SGF29: variants seen among roughly 807,000 people sequenced by gnomAD.
SGF29 encodes SAGA complex associated factor 29, also known as SAGA-associated factor 29.
Under a neutral mutation model 38.1 loss-of-function variants are expected in SGF29, and 15 were observed. That is an observed-to-expected ratio of 0.39 (90% CI 0.26 to 0.61). The LOEUF (loss-of-function observed/expected upper bound fraction) is 0.61, where lower values mean the gene tolerates loss of function less well. Among genes scored for constraint, SGF29 ranks in the 20% least tolerant of loss-of-function variants. SGF29 has a pLI of 0.49. For synonymous variants in SGF29, 151 were observed against 160.8 expected (o/e 0.94, Z 0.46); for missense variants, 184 against 394.6 (o/e 0.47, Z 4.52).
chr16:28,575,824 C>G (rs1454387657), intron 1 of SGF29, among the ~76,000 whole-genome samples: 1 of 152,156 alleles, frequency 6.6e-6, no homozygotes, highest in Non-Finnish European at 1.5e-5. Flanking sequence ...TGAGACTCTA[C>G]TTCAGACTCA....
rs1185217377 is a variant in SGF29, at chr16:28,562,003, CATAG to C, written c.-16+7907_-16+7910del. ...AGATAGCAGCACTTTGATGTAAAATCATAGGAAGAGCTTGTTCTCTCAGACAAGC... is the reference window on the plus strand; with the variant it reads ...AGATAGCAGCACTTTGATGTAAAATCGAAGAGCTTGTTCTCTCAGACAAGC... On this transcript the variant is annotated intron_variant, in intron 1 of 9. Coordinates refer to ENST00000317058, the MANE Select transcript of SGF29 (RefSeq NM_138414.3). Among the ~76,000 whole-genome samples the C allele has an allele frequency of 9.8e-5, 15 of 152,314 alleles. No homozygotes were observed. In the South Asian group the frequency reaches 1.7e-3, roughly 17 times the overall value.
At chr16:28,561,514 C>T (rs1220319351) in intron 1 of SGF29, among the ~76,000 whole-genome samples, 1 of 152,112 alleles carries the variant, frequency 6.6e-6, no homozygotes, top group Admixed American at 6.6e-5. Flanking sequence ...GCCTGGGCAA[C>T]AGAGCAAGAC....
At chr16:28,573,962 G>T (rs2046879599) in intron 1 of SGF29, among the ~76,000 whole-genome samples, 1 of 152,188 alleles carries the variant, frequency 6.6e-6, no homozygotes, top group Non-Finnish European at 1.5e-5. Flanking sequence ...CTGTCCAGTG[G>T]TGGGGCTGTT....
intron 1 of SGF29, among the ~76,000 whole-genome samples, chr16:28,568,874 C>T (rs1177125488): frequency 6.8e-6 from 1 of 147,792 alleles, no homozygotes; most frequent in Non-Finnish European, 1.5e-5. Context: ...GATTGTGCCA[C>T]TGCACTCCAG....
At chr16:28,588,798 T>G (rs2046970048) in intron 4 of SGF29, 1 of 358,004 alleles carries the variant, frequency 2.8e-6, no homozygotes, top group African/African-American at 2.1e-5. Context: ...CTTGAACTCC[T>G]GACCTCAGGT....
Position 28,590,738 on chromosome 16 carries a change from C to A in SGF29, c.603-35C>A, listed in dbSNP as rs369431238. The A allele has an allele frequency of 1.9e-6, 3 of 1,613,944 alleles. No homozygotes were observed. Among genetic ancestry groups the A allele is most frequent in the Admixed American group, 1.7e-5 (1 of 59,978 alleles). ...ACAGCTGAGAAGGAGCATCCCCACCCGGCCACAGGTTGATATAAGCCCCTC... is the reference window on the plus strand; with the variant it reads ...ACAGCTGAGAAGGAGCATCCCCACCAGGCCACAGGTTGATATAAGCCCCTC... On this transcript the variant is annotated intron_variant, in intron 8 of 9. Transcript: ENST00000317058. This position sits in a 1 kb window ranked among gnomAD's most constrained non-coding sequence, Gnocchi z 8.2.
At chr16:28,574,416 A>T (rs1258440024) in intron 1 of SGF29, among the ~76,000 whole-genome samples, 2 of 152,182 alleles carry the variant, frequency 1.3e-5, no homozygotes, top group African/African-American at 4.8e-5. Context: ...TGTTCTGGTG[A>T]TGTGCCCTGG....
chr16:28,577,136 C>G (rs546370917), intron 1 of SGF29, among the ~76,000 whole-genome samples: 1 of 151,960 alleles, frequency 6.6e-6, no homozygotes, highest in East Asian at 1.9e-4. Context: ...CCATTGCACT[C>G]CAGCCTCGGT....
chr16:28,590,360 G>C lies in SGF29; in HGVS notation c.484G>C (p.Val162Leu). Reference sequence around the variant, plus strand: ...CTACGTGGCCAGACCTGGAGACAAGGTGGCTGCCCGGGTGAAGGCCGTGGA... The same window carrying C: ...CTACGTGGCCAGACCTGGAGACAAGCTGGCTGCCCGGGTGAAGGCCGTGGA... ...GDYVARPGDK[V>L]AARVKAVDGD... The change falls in exon 7 of 10, where the codon GTG becomes CTG. Residue 162 changes from valine to leucine, a missense_variant. By Grantham distance (32) the Val-to-Leu change is conservative. Coordinates refer to ENST00000317058, the MANE Select transcript of SGF29 (RefSeq NM_138414.3). This position sits in a 1 kb window ranked among gnomAD's most constrained non-coding sequence, Gnocchi z 8.2. The C allele has an allele frequency of 6.2e-7, 1 of 1,613,786 alleles. No individual in the cohort carries two copies. Among genetic ancestry groups the C allele is most frequent in the South Asian group, 1.1e-5 (1 of 91,048 alleles).
intron 1 of SGF29, among the ~76,000 whole-genome samples, chr16:28,570,417 AC>A (rs2046857919): frequency 6.6e-6 from 1 of 152,028 alleles, no homozygotes; most frequent in African/African-American, 2.4e-5. Context: ...TGCCTGTCCC[AC>A]CGTTGTATTT....
intron 1 of SGF29, among the ~76,000 whole-genome samples, chr16:28,576,556 C>A (rs1409676611): frequency 6.6e-6 from 1 of 151,932 alleles, no homozygotes; most frequent in Admixed American, 6.6e-5. Flanking sequence ...CAAAAAGTAG[C>A]CAGCGTGGTG....
intron 1 of SGF29, among the ~76,000 whole-genome samples, chr16:28,562,903 CAAA>C (rs753973229): frequency 5.9e-5 from 3 of 50,886 alleles, no homozygotes; most frequent in Admixed American, 2.6e-4. Flanking sequence ...GACCCTGTCT[CAAA>C]AAAAAAAAAA....
rs544441807 is a variant in SGF29, at chr16:28,584,930, C to T, written c.93C>T (p.Ser31=). 29 of 1,613,304 alleles carry T rather than the reference C, an allele frequency of 1.8e-5. No individual in the cohort carries two copies. The African/African-American group carries it at 2.4e-4, about 13-fold the overall frequency. ...CCTTACAGGAAGAGCGTTCGCGGAG[C>T]GAACACAACTTAGTGAACATCCAGA... ...IKQTQEERSR[S]EHNLVNIQKT... is the part of the protein sequence containing the mutation. The change falls in exon 3 of 10, where the codon AGC becomes AGT. Residue 31 remains serine (S), a synonymous_variant. Coordinates refer to ENST00000317058, the MANE Select transcript of SGF29 (RefSeq NM_138414.3).
At chr16:28,591,443 C>G in intron 9 of SGF29, 147 bp from the exon 10 acceptor site, 1 of 690,594 alleles carries the variant, frequency 1.4e-6, no homozygotes. Context: ...GGGACTGGGC[C>G]AAGACTTCTT....
chr16:28,575,140 G>T (rs1447490564), intron 1 of SGF29, among the ~76,000 whole-genome samples: 1 of 152,098 alleles, frequency 6.6e-6, no homozygotes, highest in Non-Finnish European at 1.5e-5. Context: ...AGCCCTGGGG[G>T]TACTGGCACC....
intron 1 of SGF29, among the ~76,000 whole-genome samples, chr16:28,554,772 G>A (rs915179035): frequency 1.3e-5 from 2 of 152,120 alleles, no homozygotes; most frequent in Non-Finnish European, 2.9e-5. Flanking sequence ...GTCAGGCTTT[G>A]GTCTCCACCA....
chr16:28,585,748 C>T (rs1596607447), intron 4 of SGF29, 28 bp downstream of exon 4: 9 of 1,605,236 alleles, frequency 5.6e-6, no homozygotes, highest in Non-Finnish European at 7.7e-6. Flanking sequence ...ACTTCATCGC[C>T]GCTCCCTCCT....
intron 1 of SGF29, among the ~76,000 whole-genome samples, chr16:28,580,126 G>A (rs896826175): frequency 3.9e-5 from 6 of 152,056 alleles, no homozygotes; most frequent in Admixed American, 3.3e-4. Context: ...CAGGGGCTAA[G>A]GGCATGCTAT....
At chr16:28,583,370 A>C (rs1478302624) in intron 2 of SGF29, among the ~76,000 whole-genome samples, 1 of 152,208 alleles carries the variant, frequency 6.6e-6, no homozygotes, top group African/African-American at 2.4e-5. Flanking sequence ...CAGCAGTACT[A>C]GTCTAGCAAG....
Sources: allele counts gnomAD v4.1 joint callset (sites outside exome capture counted in the v4.1 genomes callset), GRCh38; gene constraint gnomAD v4.1.1; non-coding constraint Gnocchi (gnomAD v3.1); transcripts MANE v1.5; gene names NCBI Gene and HGNC (gene_info 2026-07-23, HGNC 2026-07-21).